The following HOXD3 variants were observed in gnomAD, a reference collection of about 807,000 sequenced individuals.
The protein encoded by HOXD3 is homeobox D3, also known as homeobox protein Hox-D3.
In HOXD3, 13 loss-of-function variants were observed where a neutral mutation model predicts 32.8. The observed-to-expected ratio is 0.40, with a 90% CI of 0.26 to 0.63. The LOEUF is 0.63. Among genes scored for constraint, HOXD3 ranks in the 20% least tolerant of loss-of-function variants. The pLI, the probability that HOXD3 is intolerant of heterozygous loss-of-function variation, is 0.44. For synonymous variants in HOXD3, 241 were observed against 246.8 expected, an observed-to-expected ratio of 0.98 and a Z score of 0.22; for missense variants, 504 against 577.1, an observed-to-expected ratio of 0.87 and a Z score of 1.30.
At chr2:176,159,821 G>C (rs1249056838) in intron 1 of HOXD3, among the ~76,000 whole-genome samples, 1 of 152,230 alleles carries the variant, frequency 6.6e-6, no homozygotes, top group Non-Finnish European at 1.5e-5. Flanking sequence ...GCGGGAAGTC[G>C]CGGCTTGGCG....
intron 2 of HOXD3, chr2:176,165,850 A>G (rs1690956335): frequency 6.6e-6 from 1 of 152,182 alleles, no homozygotes; most frequent in Admixed American, 6.5e-5. Context: ...GGGTGATCGA[A>G]AAGATGAGCC....
chr2:176,154,458 A>G (rs544985174), upstream of HOXD3, among the ~76,000 whole-genome samples: 2 of 152,362 alleles, frequency 1.3e-5, no homozygotes, highest in African/African-American at 4.8e-5. Flanking sequence ...TAGCTATCAA[A>G]AAGTGACCAA....
chr2:176,157,031 A>C (rs1690659275), upstream of HOXD3, among the ~76,000 whole-genome samples: 1 of 152,114 alleles, frequency 6.6e-6, no homozygotes, highest in African/African-American at 2.4e-5. Context: ...AGGGATGAGG[A>C]GGAAGCGAGT....
At position 176,172,454 on chromosome 2, in the gene HOXD3, C is replaced by A. The variant is rs1691230061; in HGVS notation, c.*180C>A. The A allele has an allele frequency of 3.4e-6, 2 of 595,198 alleles. No homozygotes were observed. Among genetic ancestry groups the A allele is most frequent in the Admixed American group, 6.5e-5 (2 of 30,862 alleles). The allele number at this position is 595,198 out of a possible 1,614,324, so 36.9% of individuals were successfully genotyped here. A position where few individuals can be genotyped will look rare whatever the true frequency, so the allele number is the denominator to read the frequency against. On this transcript the variant is annotated 3_prime_UTR_variant, in exon 4 of 4. Coordinates refer to ENST00000683222, the MANE Select transcript of HOXD3 (RefSeq NM_006898.5). ...GGCGACCGGGCCTCCCCTCCATGGG[C>A]GTCCTTTGGGTGACTCGCCATAAAT...
upstream of HOXD3, among the ~76,000 whole-genome samples, chr2:176,155,620 G>A (rs938536412): frequency 5.3e-5 from 8 of 152,212 alleles, no homozygotes; most frequent in Admixed American, 4.6e-4. Context: ...CCAGGGAAGG[G>A]GTAGGGCCCC....
In HOXD3 at chr2:176,172,657, C is replaced by A. The variant is rs1314501468; in HGVS notation, c.*383C>A. ...CCCGCGTCTAGCTTAGTTTCAGAGA[C>A]CTTAATTTATATTCTCCTTCCTGTG... On this transcript the variant is annotated 3_prime_UTR_variant, in exon 4 of 4. Coordinates refer to ENST00000683222, the MANE Select transcript of HOXD3 (RefSeq NM_006898.5). 4 of 234,838 alleles carry A rather than the reference C, an allele frequency of 1.7e-5. No individual in the cohort carries two copies. The East Asian group carries it at 3.6e-4, about 21-fold the overall frequency. 14.5% of individuals were successfully genotyped at this position (234,838 alleles called of 1,614,324 possible). A position where few individuals can be genotyped will look rare whatever the true frequency, so the allele number is the denominator to read the frequency against.
intron 1 of HOXD3, among the ~76,000 whole-genome samples, chr2:176,159,786 C>T (rs1574978209): frequency 6.6e-6 from 1 of 152,232 alleles, no homozygotes; most frequent in East Asian, 1.9e-4. Flanking sequence ...CAGTCCTCCT[C>T]GCCTTCCTGG....
chr2:176,169,122 T>C lies in HOXD3; in HGVS notation c.8T>C (p.Phe3Ser), dbSNP rs200641637. ...AGGATACAGTGGTAGTCAATGTTAT[T>C]TGAGCAGGGTCAGCAGGCCCTGGAG... ML[F>S]EQGQQALELP... Residue 3 changes from phenylalanine to serine, a missense_variant, in exon 3 of 4, where the codon TTT becomes TCT. Physicochemically the swap from Phe to Ser is radical, Grantham distance 155. Transcript: ENST00000683222. The C allele has an allele frequency of 1.2e-6, 2 of 1,607,434 alleles. No homozygotes were observed. The highest frequency in any genetic ancestry group is 2.7e-5 in the African/African-American group (2 of 74,952).
intron 2 of HOXD3, among the ~76,000 whole-genome samples, chr2:176,166,674 C>T (rs1375885461): frequency 6.6e-6 from 1 of 152,128 alleles, no homozygotes; most frequent in Non-Finnish European, 1.5e-5. Flanking sequence ...AGATATCCTA[C>T]CTACATACAT....
Position 176,169,484 on chromosome 2 carries a change from C to G in HOXD3, c.370C>G (p.Pro124Ala). 2 of 1,613,706 alleles carry G rather than the reference C, an allele frequency of 1.2e-6. No homozygotes were observed. Among genetic ancestry groups the G allele is most frequent in the Non-Finnish European group, 1.7e-6 (2 of 1,179,824 alleles). Residue 124 changes from proline (P) to alanine (A), a missense_variant, in exon 3 of 4, where the codon CCG (proline) becomes GCG (alanine). Coordinates refer to ENST00000683222, the MANE Select transcript of HOXD3 (RefSeq NM_006898.5). ...GCCACCACAACCCCCTCCTCCACCA[C>G]CGACCCTGCCCCCATCTTCACCCAC... ...QQPPQPPPPP[P>A]TLPPSSPTNP...
At chr2:176,158,611 T>G (rs1365407603) in intron 1 of HOXD3, among the ~76,000 whole-genome samples, 2 of 152,208 alleles carry the variant, frequency 1.3e-5, no homozygotes, top group Non-Finnish European at 2.9e-5. Context: ...TGTGTTTTCA[T>G]TTATTTTTTG....
At chr2:176,152,981 G>T (rs377123607), upstream of HOXD3, 89 of 1,598,080 alleles carry the variant, frequency 5.6e-5, no homozygotes, top group Non-Finnish European at 7.3e-5. This position sits in a 1 kb window ranked among gnomAD's most constrained non-coding sequence, Gnocchi z 5.2. Context: ...TGCGCACCAG[G>T]CTGAGCCGAA....
rs1459253669 is a variant in HOXD3, at chr2:176,171,553, C to A, written c.578C>A (p.Ala193Glu). 1 of 1,603,614 alleles carries A rather than the reference C, an allele frequency of 6.2e-7. No homozygotes were observed. Among genetic ancestry groups the A allele is most frequent in the Non-Finnish European group, 8.5e-7 (1 of 1,173,884 alleles). ...GAGGACAAGAGCCCGCCAGGCCCAG[C>A]ATCCAAGCGGGTACGCACGGCATAC... ...SCEDKSPPGPASKRVRTAYTS... is the reference protein window; with the variant it reads ...SCEDKSPPGPESKRVRTAYTS... The change falls in exon 4 of 4, where the codon GCA becomes GAA. Residue 193 changes from alanine to glutamate, a missense_variant. By Grantham distance (107) the Ala-to-Glu change is moderately radical. Coordinates refer to ENST00000683222, the MANE Select transcript of HOXD3 (RefSeq NM_006898.5).
At chr2:176,156,196 G>A (rs1463682393), upstream of HOXD3, among the ~76,000 whole-genome samples, 1 of 152,078 alleles carries the variant, frequency 6.6e-6, no homozygotes, top group East Asian at 1.9e-4. Context: ...TTTTTGGGGG[G>A]TGCCTAAAGT....
upstream of HOXD3, among the ~76,000 whole-genome samples, chr2:176,154,719 T>C (rs1190998447): frequency 6.6e-6 from 1 of 152,218 alleles, no homozygotes; most frequent in Non-Finnish European, 1.5e-5. Flanking sequence ...CAAGCCTTGG[T>C]CTTTTGTATT....
intron 2 of HOXD3, among the ~76,000 whole-genome samples, chr2:176,168,070 A>C (rs570685257): frequency 1.3e-5 from 2 of 152,258 alleles, no homozygotes; most frequent in Non-Finnish European, 2.9e-5. Context: ...AAAAGAAGGA[A>C]ACTCTTCTTA....
At chr2:176,152,952 C>T (rs1690574234), upstream of HOXD3, 1 of 1,613,238 alleles carries the variant, frequency 6.2e-7, no homozygotes, top group Non-Finnish European at 8.5e-7. This position sits in a 1 kb window ranked among gnomAD's most constrained non-coding sequence, Gnocchi z 5.2. Flanking sequence ...GAAGTGGGGA[C>T]CCTGGGCCCA....
At position 176,172,128 on chromosome 2, in the gene HOXD3, G is replaced by A. The variant is rs1200144670; in HGVS notation, c.1153G>A (p.Ala385Thr). 4 of 1,613,046 alleles carry A rather than the reference G, an allele frequency of 2.5e-6. No individual in the cohort carries two copies. Among genetic ancestry groups the A allele is most frequent in the Non-Finnish European group, 3.4e-6 (4 of 1,179,994 alleles). The stretch of plus-strand genomic sequence containing the variant: ...GGGCCACCTCTCGCACCCGTCGTCG[G>A]CCAGCGTGGACTACAGTTGCGCCGC... ...NLGHLSHPSS[A>T]SVDYSCAAQI... is the part of the protein sequence containing the mutation. Residue 385 changes from alanine (A) to threonine (T), a missense_variant, in exon 4 of 4, where the codon GCC (alanine) becomes ACC (threonine). Ala to Thr is a moderately conservative substitution (Grantham distance 58). This residue lies in a region of HOXD3 where 226 missense variants were observed against 246.9 expected (regional missense o/e 0.92). Coordinates refer to ENST00000683222, the MANE Select transcript of HOXD3 (RefSeq NM_006898.5).
At chr2:176,171,337 G>A (rs1225514315) in intron 3 of HOXD3, among the ~76,000 whole-genome samples, 180 bp from the exon 4 acceptor site, 3 of 152,166 alleles carry the variant, frequency 2.0e-5, no homozygotes, top group East Asian at 1.9e-4. Flanking sequence ...CTAGTAGGGG[G>A]TTGGTAGGTA....
Sources: gnomAD v4.1 joint callset for allele counts (sites outside exome capture counted in the v4.1 genomes callset) on GRCh38, gnomAD v4.1.1 for gene constraint, gnomAD v4.1.1 regional missense constraint, Gnocchi (gnomAD v3.1) non-coding constraint, MANE v1.5 for transcripts, NCBI Gene and HGNC (gene_info 2026-07-23, HGNC 2026-07-21) for gene names.